Variants in ASIC2 observed in about 807,000 individuals in gnomAD.
ASIC2 encodes the protein acid-sensing ion channel 2.
In ASIC2, 25 loss-of-function variants were observed where a neutral mutation model predicts 57.3. The ratio of observed to expected loss-of-function variants is 0.44; its 90% CI spans 0.32 to 0.61. The LOEUF (loss-of-function observed/expected upper bound fraction) is 0.61. Among genes scored for constraint, ASIC2 ranks in the 20% least tolerant of loss-of-function variants. The pLI is 0.06. For missense variants in ASIC2, 641 were observed against 738.1 expected (o/e 0.87, Z 1.52); for synonymous variants, 319 against 307.5 (o/e 1.04, Z -0.39).
chr17:33,772,170 A>C (rs1170381007), intron 1 of ASIC2, among the ~76,000 whole-genome samples: 1 of 152,222 alleles, frequency 6.6e-6, no homozygotes, highest in Admixed American at 6.5e-5. Flanking sequence ...AAAATAGACC[A>C]TAAATAAATG....
In ASIC2 at chr17:33,292,005, C is replaced by T. The variant is rs1374089466; in HGVS notation, c.111G>A (p.Gln37=). ...PAPAALAAAG[Q]PGGGRGGERA... ...GCTCGCCGCCTCTGCCGCCCCCGGG[C>T]TGCCCGGCAGCCGCCAACGCCGCGG... Residue 37 remains glutamine (Q), a synonymous_variant, in exon 1 of 10, where the codon CAG becomes CAA. Transcript: ENST00000225823. The T allele has an allele frequency of 1.1e-5, 13 of 1,236,296 alleles. No individual in the cohort carries two copies. The highest frequency in any genetic ancestry group is 6.4e-4 in the Middle Eastern group (2 of 3,146). 76.6% of individuals were successfully genotyped at this position (1,236,296 alleles called of 1,614,324 possible). A position where few individuals can be genotyped will look rare whatever the true frequency, so the allele number is the denominator to read the frequency against.
chr17:33,885,535 T>C (rs542148159), intron 1 of ASIC2, among the ~76,000 whole-genome samples: 1 of 152,326 alleles, frequency 6.6e-6, no homozygotes, highest in East Asian at 1.9e-4. Flanking sequence ...TACTGAGATA[T>C]ATCATTAGCT....
intron 1 of ASIC2, among the ~76,000 whole-genome samples, chr17:33,986,165 T>C (rs943334804): frequency 6.6e-5 from 10 of 152,092 alleles, no homozygotes; most frequent in Non-Finnish European, 4.4e-5. Context: ...TTATTGTTTG[T>C]CTTTTCCATT....
chr17:33,448,796 G>T (rs1912135948), intron 1 of ASIC2, among the ~76,000 whole-genome samples: 1 of 152,190 alleles, frequency 6.6e-6, no homozygotes, highest in South Asian at 2.1e-4. Context: ...AATAAGAGTA[G>T]GGGCCATCCG....
intron 2 of ASIC2, among the ~76,000 whole-genome samples, chr17:33,094,914 G>T (rs922101024): frequency 2.6e-5 from 4 of 152,200 alleles, no homozygotes; most frequent in African/African-American, 4.8e-5. Flanking sequence ...TAGACAAATT[G>T]ATTAAATACT....
intron 1 of ASIC2, among the ~76,000 whole-genome samples, chr17:33,246,591 A>G (rs1908697174): frequency 6.6e-6 from 1 of 152,178 alleles, no homozygotes; most frequent in Non-Finnish European, 1.5e-5. Context: ...GGCGGGGTTC[A>G]CCCCTGCTCA....
intron 1 of ASIC2, among the ~76,000 whole-genome samples, chr17:33,321,181 A>G (rs553389052): frequency 3.7e-4 from 57 of 152,216 alleles, no homozygotes; most frequent in Non-Finnish European, 6.2e-4. Context: ...CCTAGCACAT[A>G]GCAGGCATAA....
intron 1 of ASIC2, among the ~76,000 whole-genome samples, chr17:34,074,217 C>T (rs942614488): frequency 1.3e-5 from 2 of 152,176 alleles, no homozygotes; most frequent in Non-Finnish European, 2.9e-5. Context: ...GTGATACACA[C>T]TGTATTTTGA....
chr17:33,335,675 A>G (rs1907485588), intron 1 of ASIC2, among the ~76,000 whole-genome samples: 1 of 152,200 alleles, frequency 6.6e-6, no homozygotes, highest in South Asian at 2.1e-4. Context: ...AGGGTCACCA[A>G]GTGGATGGCA....
intron 1 of ASIC2, among the ~76,000 whole-genome samples, chr17:33,567,743 G>A (rs774131623): frequency 2.0e-4 from 30 of 152,130 alleles, no homozygotes; most frequent in African/African-American, 6.5e-4. Context: ...GGGAACAAGT[G>A]GGGGAGTGAG....
chr17:33,843,922 G>A (rs1052147619), intron 1 of ASIC2, among the ~76,000 whole-genome samples: 1 of 152,178 alleles, frequency 6.6e-6, no homozygotes, highest in Non-Finnish European at 1.5e-5. Flanking sequence ...TAAGCCTTGG[G>A]AGTCAAGCAC....
At chr17:34,048,776 G>A (rs1249460806) in intron 1 of ASIC2, among the ~76,000 whole-genome samples, 1 of 152,194 alleles carries the variant, frequency 6.6e-6, no homozygotes, top group Non-Finnish European at 1.5e-5. Context: ...ATGTTGTGCA[G>A]ATAAGAGATG....
At chr17:33,735,529 C>T (rs1355231745) in intron 1 of ASIC2, among the ~76,000 whole-genome samples, 1 of 152,076 alleles carries the variant, frequency 6.6e-6, no homozygotes, top group African/African-American at 2.4e-5. Flanking sequence ...GAGAGGGAGC[C>T]ATAGCTTGGA....
In ASIC2 at chr17:33,367,866, G is replaced by A. The variant is rs1351986627; in HGVS notation, c.556-255799C>T. 4.6e-5 allele frequency among the ~76,000 whole-genome samples: 7 copies of A among 152,166 alleles called. No individual in the cohort carries two copies. The South Asian group carries it at 6.2e-4, about 14-fold the overall frequency. ...ATTTTTCTCTAAAGGAATATGCCAA[G>A]CACCTTCTTTGTTCGAGCTTAGGTA... On this transcript the variant is annotated intron_variant, in intron 1 of 9. Transcript: ENST00000359872.
chr17:33,821,845 T>A (rs1014705631), intron 1 of ASIC2, among the ~76,000 whole-genome samples: 17 of 152,170 alleles, frequency 1.1e-4, no homozygotes, highest in Non-Finnish European at 2.5e-4. Context: ...ACTAATCCAA[T>A]CGCTGTGTTT....
At chr17:33,237,351 A>AGTT (rs1371211555) in intron 1 of ASIC2, among the ~76,000 whole-genome samples, 4 of 144,280 alleles carry the variant, frequency 2.8e-5, no homozygotes, top group Admixed American at 6.8e-5. Context: ...CCCACTTAGT[A>AGTT]GTTTTTTTTT....
At chr17:33,201,094 T>C (rs934946462) in intron 1 of ASIC2, among the ~76,000 whole-genome samples, 4 of 152,134 alleles carry the variant, frequency 2.6e-5, no homozygotes, top group Non-Finnish European at 5.9e-5. Flanking sequence ...TCCCAACACA[T>C]ATTCCCTTCT....
chr17:33,803,196 C>T (rs1463422778), intron 1 of ASIC2, among the ~76,000 whole-genome samples: 1 of 152,170 alleles, frequency 6.6e-6, no homozygotes, highest in African/African-American at 2.4e-5. Context: ...ACATCTCTGA[C>T]CACTATTGTT....
chr17:33,726,337 G>A lies in ASIC2; in HGVS notation c.555+429641C>T, dbSNP rs544506743. On this transcript the variant is annotated intron_variant, in intron 1 of 9. Coordinates refer to the ASIC2 transcript ENST00000359872. The stretch of plus-strand genomic sequence containing the variant: ...TTGGAGCAAAACCAGCAGAAGAACT[G>A]CCCCGCTGAACCCAGTCAGCTCATA... 1.1e-3 allele frequency among the ~76,000 whole-genome samples: 166 copies of A among 152,286 alleles called. No homozygotes were observed. In the Middle Eastern group the frequency reaches 0.017, roughly 16 times the overall value.
Sources: allele counts gnomAD v4.1 joint callset (sites outside exome capture counted in the v4.1 genomes callset), GRCh38; gene constraint gnomAD v4.1.1; transcripts MANE v1.5; gene names NCBI Gene and HGNC (gene_info 2026-07-23, HGNC 2026-07-21).